ARHGAP22: variants seen among roughly 807,000 people sequenced by gnomAD.
ARHGAP22 encodes the protein rho GTPase-activating protein 22.
ARHGAP22 carries 48 observed loss-of-function variants against 59.1 expected under a neutral mutation model. That is an observed-to-expected ratio of 0.81 (90% CI 0.64 to 1.03). The LOEUF (loss-of-function observed/expected upper bound fraction) is 1.03. ARHGAP22 is among the 50% of genes least tolerant of loss of function. The pLI is 0.00. For synonymous variants in ARHGAP22, 445 were observed against 416.4 expected (o/e 1.07, Z -0.84); for missense variants, 1,015 against 958.7 (o/e 1.06, Z -0.78).
At chr10:48,604,528 CCACT>C (rs1250272935) in intron 1 of ARHGAP22, among the ~76,000 whole-genome samples, 1 of 152,228 alleles carries the variant, frequency 6.6e-6, no homozygotes, top group African/African-American at 2.4e-5. Context: ...GTGTGCACAC[CCACT>C]GGGGCACTAA....
chr10:48,529,503 A>G (rs2134908143), intron 3 of ARHGAP22, among the ~76,000 whole-genome samples: 1 of 152,220 alleles, frequency 6.6e-6, no homozygotes, highest in Non-Finnish European at 1.5e-5. Context: ...AAACAGTGGA[A>G]TTGTCCTGAG....
chr10:48,556,419 G>C (rs999864949), intron 2 of ARHGAP22: 1 of 152,354 alleles, frequency 6.6e-6, no homozygotes, highest in African/African-American at 2.4e-5. Context: ...TCCTCCTTCT[G>C]TATGTCAGTG....
At chr10:48,455,265 C>A in intron 5 of ARHGAP22, 131 bp from the exon 6 acceptor site, 1 of 1,074,374 alleles carries the variant, frequency 9.3e-7, no homozygotes, top group Non-Finnish European at 1.3e-6. Context: ...GGGGCTGCAT[C>A]TGCGGCCAGC....
rs755622908 is a variant in ARHGAP22 at position 48,451,017 on chromosome 10, C to G, written c.1112G>C (p.Gly371Ala). ...RGGLQCAVGW[G>A]SEEVTRDSQG... ...GCTGTCCCTGGTGACCTCCTCGGAG[C>G]CCCACCCCACTGCGCATTGCAGGCC... The change falls in exon 9 of 10, where the codon GGC (glycine) becomes GCC (alanine). Residue 371 changes from glycine (G) to alanine (A), a missense_variant. Gly to Ala is a moderately conservative substitution (Grantham distance 60). Transcript: ENST00000249601. The G allele has an allele frequency of 1.3e-6, 2 of 1,554,984 alleles. No individual in the cohort carries two copies. The highest frequency in any genetic ancestry group is 3.9e-5 in the Admixed American group (2 of 51,624).
chr10:48,633,025 T>C (rs1480330251), intron 1 of ARHGAP22, among the ~76,000 whole-genome samples: 1 of 152,168 alleles, frequency 6.6e-6, no homozygotes, highest in Non-Finnish European at 1.5e-5. Context: ...AGGACATCAG[T>C]GGACAGTTCC....
intron 2 of ARHGAP22, among the ~76,000 whole-genome samples, chr10:48,579,923 A>T (rs956705777): frequency 6.6e-6 from 1 of 152,248 alleles, no homozygotes; most frequent in Admixed American, 6.5e-5. Flanking sequence ...CAAGTTTGAG[A>T]TCATACTGTA....
intron 1 of ARHGAP22, among the ~76,000 whole-genome samples, chr10:48,649,674 C>T (rs972528798): frequency 1.3e-5 from 2 of 152,138 alleles, no homozygotes; most frequent in Non-Finnish European, 2.9e-5. Flanking sequence ...GCAGCTAGTC[C>T]TGCTGGCAGG....
At chr10:48,442,151 C>T (rs117187957), downstream of ARHGAP22, among the ~76,000 whole-genome samples, 347 of 152,306 alleles carry the variant, frequency 2.3e-3, 8 homozygotes, top group East Asian at 0.05. Flanking sequence ...GCATGGGCTC[C>T]GGTGCCAAAT....
At chr10:48,452,392 A>G (rs2046062501) in intron 8 of ARHGAP22, among the ~76,000 whole-genome samples, 1 of 152,198 alleles carries the variant, frequency 6.6e-6, no homozygotes, top group South Asian at 2.1e-4. Flanking sequence ...AACTCCATGA[A>G]GCAGGCAGGG....
chr10:48,450,332 T>TAAGG lies in ARHGAP22; in HGVS notation c.1793_1796dup (p.Leu599PhefsTer8), dbSNP rs1307100575. 1 of 1,602,870 alleles carries TAAGG rather than the reference T, an allele frequency of 6.2e-7. No homozygotes were observed. The highest frequency in any genetic ancestry group is 8.5e-7 in the Non-Finnish European group (1 of 1,175,358). ...CCCTGAGCTCAGTGACCAGCCCCTG[T>TAAGG]AAGGCCTCGGAGCGGCGCGCGTGTT... On this transcript the variant is annotated frameshift_variant, in exon 9 of 10. Coordinates refer to ENST00000249601, the MANE Select transcript of ARHGAP22 (RefSeq NM_021226.4). LOFTEE classifies it high-confidence loss of function.
At position 48,450,392 on chromosome 10, in the gene ARHGAP22, G is replaced by T. The variant is rs1248518555; in HGVS notation, c.1737C>A (p.Asn579Lys). The T allele has an allele frequency of 6.4e-7, 1 of 1,573,946 alleles. No homozygotes were observed. Among genetic ancestry groups the T allele is most frequent in the Non-Finnish European group, 8.6e-7 (1 of 1,160,426 alleles). The stretch of plus-strand genomic sequence containing the variant: ...GGCTGTCCGGCTCGCTGGGCTCGCT[G>T]TTGCTGGCACCCGCGCCCGCCTCGT... ...SMDEAGAGAS[N>K]SEPSEPDSPT... The change falls in exon 9 of 10, where the codon AAC becomes AAA. Residue 579 changes from asparagine (N) to lysine (K), a missense_variant. By Grantham distance (94) the Asn-to-Lys change is moderately conservative. Coordinates refer to ENST00000249601, the MANE Select transcript of ARHGAP22 (RefSeq NM_021226.4).
chr10:48,504,228 C>T (rs2134415254), intron 3 of ARHGAP22, among the ~76,000 whole-genome samples: 1 of 152,278 alleles, frequency 6.6e-6, no homozygotes, highest in African/African-American at 2.4e-5. Flanking sequence ...CAAGGGTGAT[C>T]CCTGGAACCT....
At chr10:48,619,096 TACA>T (rs1209274339) in intron 1 of ARHGAP22, among the ~76,000 whole-genome samples, 1 of 152,042 alleles carries the variant, frequency 6.6e-6, no homozygotes, top group Non-Finnish European at 1.5e-5. Context: ...CAATCCTGTT[TACA>T]ACAACTACAA....
downstream of ARHGAP22, among the ~76,000 whole-genome samples, chr10:48,443,064 AC>A (rs1188377149): frequency 6.6e-6 from 1 of 152,112 alleles, no homozygotes; most frequent in African/African-American, 2.4e-5. Context: ...GGGAATAAAA[AC>A]GTCTCCTGCA....
chr10:48,433,611 C>T, the ARHGAP22 span, among the ~76,000 whole-genome samples: 1 of 152,196 alleles, frequency 6.6e-6, no homozygotes, highest in Non-Finnish European at 1.5e-5. Context: ...CCATCACATG[C>T]TTTGTCTCTT....
chr10:48,504,877 G>C lies in ARHGAP22; in HGVS notation c.323-25113C>G, dbSNP rs143736818. Among the ~76,000 whole-genome samples the C allele has an allele frequency of 3.8e-3, 580 of 152,186 alleles. 3 individuals are homozygous for C. Among genetic ancestry groups the C allele is most frequent in the African/African-American group, 0.013 (527 of 41,518 alleles). The stretch of plus-strand genomic sequence containing the variant: ...ATAAGTTGGGGGTGAGCTGAGAGAG[G>C]GGGTGGGAAGAGTCCCGGTAGTGAT... On this transcript the variant is annotated intron_variant, in intron 3 of 9. Transcript: ENST00000249601.
chr10:48,454,021 G>A (rs554321610), intron 7 of ARHGAP22, 67 bp downstream of exon 7: 29 of 1,499,758 alleles, frequency 1.9e-5, no homozygotes, highest in South Asian at 1.4e-4. Flanking sequence ...TGCGTGTCTC[G>A]CTGTGGGGTT....
chr10:48,455,808 C>T (rs1251093847), intron 5 of ARHGAP22, among the ~76,000 whole-genome samples: 1 of 152,208 alleles, frequency 6.6e-6, no homozygotes, highest in Non-Finnish European at 1.5e-5. Context: ...CTGCTGGCTC[C>T]TTGTTGGGGA....
At chr10:48,642,717 C>T (rs1187257751) in intron 1 of ARHGAP22, among the ~76,000 whole-genome samples, 2 of 152,166 alleles carry the variant, frequency 1.3e-5, no homozygotes, top group Non-Finnish European at 2.9e-5. Context: ...GCAATGGCAA[C>T]AAAAGCCAAA....
Sources: gnomAD v4.1 joint callset for allele counts (sites outside exome capture counted in the v4.1 genomes callset) on GRCh38, gnomAD v4.1.1 for gene constraint, MANE v1.5 for transcripts, NCBI Gene and HGNC (gene_info 2026-07-23, HGNC 2026-07-21) for gene names.